Variants in C1orf141 observed in about 807,000 individuals in gnomAD.
C1orf141 encodes the protein uncharacterized protein C1orf141.
C1orf141 carries 19 observed loss-of-function variants against 23.2 expected under a neutral mutation model. The observed-to-expected ratio is 0.82, with a 90% confidence interval of 0.57 to 1.20. C1orf141 has a LOEUF of 1.20. C1orf141 is among the 50% of genes most tolerant of loss of function. The pLI is 0.00. For synonymous variants in C1orf141, 153 were observed against 154.6 expected, an observed-to-expected ratio of 0.99 and a Z score of 0.08; for missense variants, 469 against 455.1, an observed-to-expected ratio of 1.03 and a Z score of -0.28.
At chr1:67,101,859 A>G (rs1570684667) in intron 5 of C1orf141, among the ~76,000 whole-genome samples, 1 of 152,146 alleles carries the variant, frequency 6.6e-6, no homozygotes, top group African/African-American at 2.4e-5. Flanking sequence ...CTGAACTAAT[A>G]GAACATCCTG....
intron 4 of C1orf141, chr1:67,122,718 G>A (rs1175399543): frequency 6.6e-6 from 1 of 152,078 alleles, no homozygotes; most frequent in Non-Finnish European, 1.5e-5. Flanking sequence ...ATGTGTCAAA[G>A]CAATGTAGTT....
At chr1:67,097,933 C>T (rs930157036) in intron 5 of C1orf141, among the ~76,000 whole-genome samples, 1 of 152,158 alleles carries the variant, frequency 6.6e-6, no homozygotes, top group African/African-American at 2.4e-5. Context: ...AAACAAGGTG[C>T]TGGGTTAAGG....
chr1:67,115,356 T>C lies in C1orf141; in HGVS notation c.342A>G (p.Ser114=). 9.1e-7 allele frequency: 1 copy of C among 1,097,460 alleles called. No individual in the cohort carries two copies. The highest frequency in any genetic ancestry group is 1.4e-6 in the Non-Finnish European group (1 of 728,630). The allele number at this position is 1,097,460 out of a possible 1,614,324, so 68.0% of individuals were successfully genotyped here. A position where few individuals can be genotyped will look rare whatever the true frequency, so the allele number is the denominator to read the frequency against. ...ATATGTTACACAAAGCATTACCTGT[T>C]GACTCACTTTCTTTATTTTTTACAT... ...QTNVKNKESE[S]TAQIEKKPRK... is the part of the protein sequence containing the mutation. The change falls in exon 5 of 8, where the codon TCA becomes TCG. Residue 114 remains serine (S), a synonymous_variant. Transcript: ENST00000684719.
At chr1:67,123,934 T>A (rs991514029) in intron 4 of C1orf141, 1 of 152,212 alleles carries the variant, frequency 6.6e-6, no homozygotes, top group Non-Finnish European at 1.5e-5. Flanking sequence ...CTTCACTTGG[T>A]CTCTGCCTAA....
At chr1:67,114,706 C>T (rs538437824) in intron 5 of C1orf141, among the ~76,000 whole-genome samples, 37 of 152,172 alleles carry the variant, frequency 2.4e-4, no homozygotes, top group Non-Finnish European at 4.7e-4. Context: ...GATGGAGTCT[C>T]GCTCTTGTCA....
intron 5 of C1orf141, among the ~76,000 whole-genome samples, chr1:67,101,495 T>A (rs1339162099): frequency 7.4e-6 from 1 of 135,064 alleles, no homozygotes; most frequent in Non-Finnish European, 1.6e-5. Flanking sequence ...TGTGATGGAG[T>A]AGGTGGTTAT....
At chr1:67,102,978 T>C (rs192726622) in intron 5 of C1orf141, among the ~76,000 whole-genome samples, 27 of 152,248 alleles carry the variant, frequency 1.8e-4, no homozygotes, top group Non-Finnish European at 2.9e-4. Flanking sequence ...TGAAAACATA[T>C]GTTTTAAGCA....
chr1:67,104,421 T>C (rs931845664), intron 5 of C1orf141, among the ~76,000 whole-genome samples: 1 of 152,148 alleles, frequency 6.6e-6, no homozygotes, highest in African/African-American at 2.4e-5. Context: ...GAAGACGAGT[T>C]GTGAGAGGGA....
intron 4 of C1orf141, among the ~76,000 whole-genome samples, chr1:67,120,961 T>C (rs755941797): frequency 5.3e-5 from 8 of 152,042 alleles, no homozygotes; most frequent in Non-Finnish European, 7.4e-5. Flanking sequence ...ATTTGAAGAG[T>C]TGTAGCTGCT....
At chr1:67,127,986 A>T (rs1457306199) in intron 2 of C1orf141, among the ~76,000 whole-genome samples, 1 of 152,146 alleles carries the variant, frequency 6.6e-6, no homozygotes, top group African/African-American at 2.4e-5. Context: ...ATATAATTTT[A>T]ATGAAAGTAA....
At chr1:67,132,477 C>A (rs11802227) in intron 1 of C1orf141, among the ~76,000 whole-genome samples, 108 of 151,808 alleles carry the variant, frequency 7.1e-4, no homozygotes, top group African/African-American at 2.6e-3. Flanking sequence ...GAGGTGTGAT[C>A]GTGCCACTGC....
chr1:67,136,195 G>T (rs1646584007), upstream of C1orf141, among the ~76,000 whole-genome samples: 5 of 151,936 alleles, frequency 3.3e-5, no homozygotes. Flanking sequence ...ACTATGCCAG[G>T]CTAATTTTTT....
rs1348848903 is a variant in C1orf141 at position 67,095,435 on chromosome 1, C to T, written c.417-14G>A. ...GGAGATTTTTTTCTGAAAATAAACA[C>T]AGTTCAGGGTAGTGTTCATGGGGCT... On this transcript the variant is annotated splice_polypyrimidine_tract_variant and intron_variant, in intron 6 of 7. Coordinates refer to ENST00000684719, the MANE Select transcript of C1orf141 (RefSeq NM_001276351.2). The T allele has an allele frequency of 3.4e-6, 5 of 1,460,934 alleles. No homozygotes were observed. Among genetic ancestry groups the T allele is most frequent in the East Asian group, 2.3e-5 (1 of 43,356 alleles). The allele number at this position is 1,460,934 out of a possible 1,614,324, so 90.5% of individuals were successfully genotyped here.
At chr1:67,098,456 G>A (rs1196381132) in intron 5 of C1orf141, among the ~76,000 whole-genome samples, 1 of 152,102 alleles carries the variant, frequency 6.6e-6, no homozygotes, top group Non-Finnish European at 1.5e-5. Context: ...AGAGTCGGAG[G>A]TGGCAGTGAG....
At chr1:67,111,765 C>T (rs1471341577) in intron 5 of C1orf141, 2 of 440,336 alleles carry the variant, frequency 4.5e-6, no homozygotes, top group Non-Finnish European at 4.1e-6. Context: ...TATTTACTTA[C>T]ATATGCATTG....
At chr1:67,134,700 G>T (rs76505600) in intron 1 of C1orf141, among the ~76,000 whole-genome samples, 8 of 152,008 alleles carry the variant, frequency 5.3e-5, no homozygotes, top group African/African-American at 1.9e-4. Flanking sequence ...AGATGCAAAG[G>T]GTTCTTCCGC....
At chr1:67,093,753 A>C (rs929439318) in intron 7 of C1orf141, 149 bp from the exon 8 acceptor site, 2 of 520,262 alleles carry the variant, frequency 3.8e-6, no homozygotes, top group East Asian at 6.4e-5. Flanking sequence ...ATTCAAATAC[A>C]TGAAAATACT....
chr1:67,137,799 T>C (rs940797963), upstream of C1orf141, among the ~76,000 whole-genome samples: 1 of 152,264 alleles, frequency 6.6e-6, no homozygotes, highest in Admixed American at 6.5e-5. Context: ...TTCCTATAAA[T>C]TCTTTACTAT....
rs371710758 is a variant in C1orf141, at chr1:67,095,781, C to A, written c.417-360G>T. 1.5e-4 allele frequency: 29 copies of A among 194,054 alleles called. 1 individual carries two copies. The highest frequency in any genetic ancestry group is 9.8e-4 in the East Asian group (7 of 7,154). The allele number at this position is 194,054 out of a possible 1,614,324, so 12.0% of individuals were successfully genotyped here. On this transcript the variant is annotated intron_variant, in intron 6 of 7. Transcript: ENST00000684719. ...TCATGCCAACATAGGGTGGCCCCAG[C>A]TTTGTTAAGAGGATAGAATAGTGTG...
Sources: gnomAD v4.1 joint callset for allele counts (sites outside exome capture counted in the v4.1 genomes callset) on GRCh38, gnomAD v4.1.1 for gene constraint, MANE v1.5 for transcripts, NCBI Gene and HGNC (gene_info 2026-07-23, HGNC 2026-07-21) for gene names.